Variants in KCNMB2 observed in about 807,000 individuals in gnomAD.
The protein encoded by KCNMB2 is calcium-activated potassium channel subunit beta-2.
In KCNMB2, 9 loss-of-function variants were observed where a neutral mutation model predicts 24.5. The ratio of observed to expected loss-of-function variants is 0.37; its 90% CI spans 0.22 to 0.64. The LOEUF is 0.64. Ranked by LOEUF, KCNMB2 falls within the 30% of genes least tolerant of loss-of-function variation. The pLI is 0.63. For synonymous variants in KCNMB2, 109 were observed against 104.4 expected, an observed-to-expected ratio of 1.04 and a Z score of -0.27; for missense variants, 226 against 284.3, an observed-to-expected ratio of 0.79 and a Z score of 1.47.
At chr3:178,541,223 TA>T (rs894583743) in intron 1 of KCNMB2, among the ~76,000 whole-genome samples, 153 of 152,274 alleles carry the variant, frequency 1.0e-3, no homozygotes, top group Middle Eastern at 6.8e-3. Flanking sequence ...TCAAAGCAAA[TA>T]AAAATTCAAT....
intron 1 of KCNMB2, among the ~76,000 whole-genome samples, chr3:178,622,317 G>T (rs969252940): frequency 4.6e-5 from 7 of 152,160 alleles, no homozygotes; most frequent in African/African-American, 1.7e-4. Flanking sequence ...ATGAAAAGCT[G>T]AGTACACAGA....
At chr3:178,646,269 C>A (rs563633062) in intron 1 of KCNMB2, among the ~76,000 whole-genome samples, 1 of 152,254 alleles carries the variant, frequency 6.6e-6, no homozygotes, top group East Asian at 1.9e-4. Context: ...CTGTGCTGGG[C>A]AGTGGACTCT....
chr3:178,690,681 C>T (rs1721639254), intron 1 of KCNMB2, among the ~76,000 whole-genome samples: 2 of 152,144 alleles, frequency 1.3e-5, no homozygotes, highest in African/African-American at 4.8e-5. Context: ...TATGCAAAGT[C>T]ATTAATAACA....
chr3:178,792,800 C>T (rs764242943), intron 1 of KCNMB2, among the ~76,000 whole-genome samples: 1 of 152,302 alleles, frequency 6.6e-6, no homozygotes, highest in Non-Finnish European at 1.5e-5. Context: ...GATTTCAAGA[C>T]AAAAACTAGT....
chr3:178,590,931 A>G (rs950518839), intron 1 of KCNMB2, among the ~76,000 whole-genome samples: 15 of 152,192 alleles, frequency 9.9e-5, no homozygotes, highest in African/African-American at 3.6e-4. Flanking sequence ...TATTTGAATG[A>G]AAGAGAAAGC....
At chr3:178,745,129 T>C (rs929214942) in intron 1 of KCNMB2, among the ~76,000 whole-genome samples, 3 of 152,190 alleles carry the variant, frequency 2.0e-5, no homozygotes, top group African/African-American at 7.2e-5. Context: ...TCTCAGGTAA[T>C]AAGTCAAACA....
intron 1 of KCNMB2, among the ~76,000 whole-genome samples, chr3:178,619,343 C>T (rs1160654199): frequency 6.6e-6 from 1 of 152,090 alleles, no homozygotes; most frequent in Non-Finnish European, 1.5e-5. Flanking sequence ...TCTCAAGCAG[C>T]CTGCTCAGTT....
chr3:178,640,759 AC>A (rs1719695649), intron 1 of KCNMB2, among the ~76,000 whole-genome samples: 1 of 152,138 alleles, frequency 6.6e-6, no homozygotes, highest in Admixed American at 6.5e-5. Context: ...TGTACTAAAA[AC>A]TGAGAACCAA....
At chr3:178,609,205 G>C (rs7626379) in intron 1 of KCNMB2, among the ~76,000 whole-genome samples, 101,232 of 151,874 alleles carry the variant, frequency 0.67, 35,054 homozygotes, top group African/African-American at 0.87. Context: ...GACATGATAT[G>C]TCATTATAGT....
chr3:178,758,383 GATACATATATATAT>G (rs1439230509), intron 1 of KCNMB2, among the ~76,000 whole-genome samples: 113 of 3,770 alleles, frequency 0.03, 10 homozygotes, highest in African/African-American at 0.054. Context: ...TCCAAGAGGG[GATACATATATATAT>G]ATATATATAT....
chr3:178,771,687 A>G (rs770180360), intron 1 of KCNMB2, among the ~76,000 whole-genome samples: 25 of 151,266 alleles, frequency 1.7e-4, no homozygotes, highest in Non-Finnish European at 3.5e-4. Flanking sequence ...CTTCCATGTG[A>G]CTCACTTTGC....
intron 1 of KCNMB2, among the ~76,000 whole-genome samples, chr3:178,805,725 G>A (rs1713939460): frequency 6.6e-6 from 1 of 152,060 alleles, no homozygotes; most frequent in Admixed American, 6.6e-5. Context: ...GTACTCCCAG[G>A]CTAAAGCTAT....
At chr3:178,553,022 T>A (rs999816403) in intron 1 of KCNMB2, among the ~76,000 whole-genome samples, 13 of 152,236 alleles carry the variant, frequency 8.5e-5, no homozygotes, top group Non-Finnish European at 1.9e-4. Flanking sequence ...TGTTGTTATC[T>A]TAGCTGGATT....
intron 1 of KCNMB2, among the ~76,000 whole-genome samples, chr3:178,730,240 G>T (rs1486268313): frequency 6.6e-6 from 1 of 152,088 alleles, no homozygotes; most frequent in Non-Finnish European, 1.5e-5. Flanking sequence ...CCTATGATCT[G>T]CAAATTATCA....
chr3:178,684,626 G>A (rs1046883852), intron 1 of KCNMB2, among the ~76,000 whole-genome samples: 3 of 152,028 alleles, frequency 2.0e-5, no homozygotes, highest in East Asian at 1.9e-4. Flanking sequence ...TCGGGAGTTC[G>A]TGACCAGCCT....
chr3:178,653,102 T>C (rs1039763567), intron 1 of KCNMB2, among the ~76,000 whole-genome samples: 4 of 152,174 alleles, frequency 2.6e-5, no homozygotes, highest in Non-Finnish European at 4.4e-5. Context: ...CTTATCCATA[T>C]ACTAATGCTA....
At chr3:178,735,673 G>T (rs1723292245) in intron 1 of KCNMB2, among the ~76,000 whole-genome samples, 1 of 152,216 alleles carries the variant, frequency 6.6e-6, no homozygotes. Flanking sequence ...CATTTTAAGT[G>T]TGATGATATG....
At chr3:178,538,905 T>C (rs1715496297) in intron 1 of KCNMB2, among the ~76,000 whole-genome samples, 1 of 152,218 alleles carries the variant, frequency 6.6e-6, no homozygotes, top group African/African-American at 2.4e-5. Flanking sequence ...CATTTTGAGA[T>C]ATCTTTTTCT....
chr3:178,739,835 A>G (rs1723437164), intron 1 of KCNMB2, among the ~76,000 whole-genome samples: 2 of 152,228 alleles, frequency 1.3e-5, no homozygotes, highest in South Asian at 4.1e-4. Context: ...TCAGAAGAAA[A>G]GGGGATGCTA....
Sources: allele counts gnomAD v4.1 joint callset (sites outside exome capture counted in the v4.1 genomes callset), GRCh38; gene constraint gnomAD v4.1.1; transcripts MANE v1.5; gene names NCBI Gene and HGNC (gene_info 2026-07-23, HGNC 2026-07-21).